IPO8: variants seen among roughly 807,000 people sequenced by gnomAD.
The protein encoded by IPO8 is importin 8, also known as importin-8.
In IPO8, 65 loss-of-function variants were observed where a neutral mutation model predicts 141.2. The observed-to-expected ratio is 0.46, with a 90% CI of 0.38 to 0.57. The LOEUF is 0.57. Among genes scored for constraint, IPO8 ranks in the 20% least tolerant of loss-of-function variants. The probability of loss-of-function intolerance (pLI) is 0.00; values close to 1 mark genes in which losing one functional copy is unlikely to be tolerated. For synonymous variants in IPO8, 411 were observed against 420.3 expected, an observed-to-expected ratio of 0.98 and a Z score of 0.27; for missense variants, 980 against 1,246.8, an observed-to-expected ratio of 0.79 and a Z score of 3.22.
At chr12:30,686,197 A>T (rs1398365136) in intron 2 of IPO8, 1 of 152,194 alleles carries the variant, frequency 6.6e-6, no homozygotes, top group Admixed American at 6.5e-5. Flanking sequence ...TAGACTAGGT[A>T]CCATGTTTTA....
intron 8 of IPO8, among the ~76,000 whole-genome samples, chr12:30,671,849 C>A (rs1380565329): frequency 6.6e-6 from 1 of 151,710 alleles, no homozygotes; most frequent in Admixed American, 6.6e-5. Context: ...TGATTAGCCC[C>A]CTGAAAAAAT....
At chr12:30,684,164 T>C (rs527716890) in intron 3 of IPO8, 137 bp downstream of exon 3, 2 of 678,484 alleles carry the variant, frequency 2.9e-6, no homozygotes, top group East Asian at 2.7e-5. Flanking sequence ...AAAATAATAT[T>C]CTTTGAGTGT....
intron 3 of IPO8, 86 bp downstream of exon 3, chr12:30,684,215 G>A: frequency 2.5e-6 from 3 of 1,177,930 alleles, no homozygotes; most frequent in South Asian, 3.1e-5. Context: ...TGAAACATGA[G>A]GCCAAGGATT....
rs202107765 is a variant in IPO8, at chr12:30,676,507, G to A, written c.720C>T (p.Thr240=). ...MEIFRTIIDR[T]VPPETLHIDE... Reference sequence around the variant, plus strand: ...AAAAGCTTTTTCTTACAGGAGGAACGGTCCTGTCGATAATAGTTCGGAAGA... The same window carrying A: ...AAAAGCTTTTTCTTACAGGAGGAACAGTCCTGTCGATAATAGTTCGGAAGA... The change falls in exon 6 of 25, where the codon ACC becomes ACT. Residue 240 remains threonine, a synonymous_variant. Coordinates refer to ENST00000256079, the MANE Select transcript of IPO8 (RefSeq NM_006390.4). The A allele has an allele frequency of 7.6e-5, 123 of 1,611,050 alleles. No homozygotes were observed. In the Admixed American group the frequency reaches 1.7e-3, roughly 22 times the overall value.
intron 16 of IPO8, among the ~76,000 whole-genome samples, chr12:30,657,826 G>A (rs547087801): frequency 9.2e-5 from 14 of 151,838 alleles, no homozygotes; most frequent in African/African-American, 2.2e-4. Context: ...TATCATTTTC[G>A]TAAAAGAAAA....
rs747166785 is a variant in IPO8 at position 30,631,934 on chromosome 12, C to T, written c.2977G>A (p.Glu993Lys). 3.7e-6 allele frequency: 6 copies of T among 1,613,000 alleles called. No individual in the cohort carries two copies. The highest frequency in any genetic ancestry group is 5.1e-6 in the Non-Finnish European group (6 of 1,179,962). The change falls in exon 24 of 25, where the codon GAG becomes AAG. Residue 993 changes from glutamate (E) to lysine (K), a missense_variant. Glu to Lys is a moderately conservative substitution (Grantham distance 56). Transcript: ENST00000256079. ...CGGTGCTCTGCCAGTGTGTACACCT[C>T]CTGCAGTGCTGTCCTCTGATCCTCG... is the stretch of plus-strand genomic sequence containing the variant. ...LSEDQRTALQ[E>K]VYTLAEHRRT...
chr12:30,648,669 T>C (rs905419421), intron 20 of IPO8, among the ~76,000 whole-genome samples: 3 of 152,072 alleles, frequency 2.0e-5, no homozygotes. Context: ...CACAATAGTA[T>C]CAAAAATTGC....
At chr12:30,638,644 G>T (rs1169787149) in intron 21 of IPO8, among the ~76,000 whole-genome samples, 1 of 152,166 alleles carries the variant, frequency 6.6e-6, no homozygotes, top group Non-Finnish European at 1.5e-5. Context: ...CCTGAGGTGG[G>T]CACATAACAC....
At chr12:30,637,984 G>C (rs778002666) in intron 21 of IPO8, among the ~76,000 whole-genome samples, 12 of 152,128 alleles carry the variant, frequency 7.9e-5, no homozygotes, top group Non-Finnish European at 1.6e-4. Context: ...TGCATTCCTT[G>C]ATTGATTCAA....
chr12:30,661,271 G>A lies in IPO8; in HGVS notation c.1756-5C>T. 1 of 1,578,534 alleles carries A rather than the reference G, an allele frequency of 6.3e-7. No homozygotes were observed. Among genetic ancestry groups the A allele is most frequent in the Non-Finnish European group, 8.6e-7 (1 of 1,165,808 alleles). On this transcript the variant is annotated splice_polypyrimidine_tract_variant and splice_region_variant and intron_variant, in intron 15 of 24. Transcript: ENST00000256079. ...AACTTTGCCAAATATCTCAGCCTAT[G>A]AAAATAACATTAAAGTATTCCGCAA...
intron 2 of IPO8, among the ~76,000 whole-genome samples, chr12:30,685,112 A>C (rs1384841800): frequency 6.6e-6 from 1 of 151,410 alleles, no homozygotes; most frequent in Non-Finnish European, 1.5e-5. Context: ...TTGCTACAGC[A>C]TTTTAAGAAA....
rs773741596 is a variant in IPO8 at position 30,637,073 on chromosome 12, A to G, written c.2604T>C (p.Leu868=). The change falls in exon 22 of 25, where the codon CTT becomes CTC. Residue 868 remains leucine, a synonymous_variant. Transcript: ENST00000256079. ...VGQIVPSILF[L]FLGLKQVCAT... Reference sequence around the variant, plus strand: ...CACAGACCTGCTTTAGGCCAAGGAAAAGGAAAAGAATTGAGGGAACAATCT... The same window carrying G: ...CACAGACCTGCTTTAGGCCAAGGAAGAGGAAAAGAATTGAGGGAACAATCT... 13 of 1,614,106 alleles carry G rather than the reference A, an allele frequency of 8.1e-6. No individual in the cohort carries two copies. Among genetic ancestry groups the G allele is most frequent in the Non-Finnish European group, 1.1e-5 (13 of 1,179,988 alleles).
chr12:30,631,027 C>T (rs1000876390), intron 24 of IPO8, 70 bp from the exon 25 acceptor site: 1 of 1,097,912 alleles, frequency 9.1e-7, no homozygotes, highest in Non-Finnish European at 1.4e-6. Context: ...TTGGAGATGA[C>T]TCAAAGGAGC....
At position 30,662,342 on chromosome 12, in the gene IPO8, A is replaced by T. The variant is rs2052899352; in HGVS notation, c.1740T>A (p.Asp580Glu). Residue 580 changes from aspartate (D) to glutamate (E), a missense_variant, in exon 15 of 25, where the codon GAT becomes GAA. Around this residue, in one of 3 missense-constraint regions of IPO8, gnomAD observed 924 missense variants for 1,153.9 expected, o/e 0.80. Coordinates refer to ENST00000256079, the MANE Select transcript of IPO8 (RefSeq NM_006390.4). ...CCGGTCTTACCAAGTGTTGGGTCAT[A>T]TCAACAGCAATTGAGGCTACCTCTT... ...YSQEVASIAV[D>E]MTQHLAEIFG... 1 of 1,613,590 alleles carries T rather than the reference A, an allele frequency of 6.2e-7. No homozygotes were observed. The highest frequency in any genetic ancestry group is 1.7e-5 in the Admixed American group (1 of 59,974).
In IPO8 at chr12:30,695,428, G is replaced by C; in HGVS notation, c.84+136C>G. 2 of 690,030 alleles carry C rather than the reference G, an allele frequency of 2.9e-6. No homozygotes were observed. The highest frequency in any genetic ancestry group is 5.0e-6 in the Non-Finnish European group (2 of 403,388). The allele number at this position is 690,030 out of a possible 1,614,324, so 42.7% of individuals were successfully genotyped here. On this transcript the variant is annotated intron_variant, in intron 1 of 24. Transcript: ENST00000256079. This position sits in a 1 kb window ranked among gnomAD's most constrained non-coding sequence, Gnocchi z 4.2. ...ACTGGACCGGGGGGCAGCGGGGTCG[G>C]AGAGCGGGACCAGCCGTGAGGCGTC...
intron 5 of IPO8, chr12:30,677,015 C>A (rs1182515300): frequency 6.5e-7 from 1 of 1,527,220 alleles, no homozygotes; most frequent in South Asian, 1.2e-5. Flanking sequence ...TAACTACAGT[C>A]CACTTTGTAC....
chr12:30,675,636 G>A (rs1339065269), intron 6 of IPO8, among the ~76,000 whole-genome samples: 1 of 150,642 alleles, frequency 6.6e-6, no homozygotes, highest in East Asian at 1.9e-4. Flanking sequence ...GACCATCCTG[G>A]CCAACACCGT....
intron 20 of IPO8, among the ~76,000 whole-genome samples, chr12:30,648,155 G>A (rs1056688909): frequency 2.6e-5 from 4 of 152,138 alleles, no homozygotes; most frequent in African/African-American, 9.7e-5. Context: ...ATTCATAATA[G>A]CCAAAAAGTA....
At chr12:30,683,564 T>C (rs1196505091) in intron 3 of IPO8, among the ~76,000 whole-genome samples, 1 of 152,230 alleles carries the variant, frequency 6.6e-6, no homozygotes, top group Non-Finnish European at 1.5e-5. Flanking sequence ...AAAATTTTTA[T>C]GACTTTACAG....
Sources: gnomAD v4.1 joint callset for allele counts (sites outside exome capture counted in the v4.1 genomes callset) on GRCh38, gnomAD v4.1.1 for gene constraint, gnomAD v4.1.1 regional missense constraint, Gnocchi (gnomAD v3.1) non-coding constraint, MANE v1.5 for transcripts, NCBI Gene and HGNC (gene_info 2026-07-23, HGNC 2026-07-21) for gene names.